TXNDC16: variants seen among roughly 807,000 people sequenced by gnomAD.
TXNDC16 encodes thioredoxin domain containing 16.
TXNDC16 carries 74 observed loss-of-function variants against 85.6 expected under a neutral mutation model. The ratio of observed to expected loss-of-function variants is 0.86; its 90% CI spans 0.72 to 1.05. The LOEUF (loss-of-function observed/expected upper bound fraction) is 1.05. Among genes scored for constraint, TXNDC16 ranks in the 50% least tolerant of loss-of-function variants. TXNDC16 has a pLI of 0.00. For missense variants in TXNDC16, 959 were observed against 947.0 expected (o/e 1.01, Z -0.17); for synonymous variants, 335 against 326.5 (o/e 1.03, Z -0.28).
intron 18 of TXNDC16, among the ~76,000 whole-genome samples, chr14:52,446,655 A>G (rs2035291956): frequency 6.6e-6 from 1 of 152,114 alleles, no homozygotes; most frequent in Non-Finnish European, 1.5e-5. Context: ...TGTAGCTCCA[A>G]AAGAGACCCC....
intron 12 of TXNDC16, among the ~76,000 whole-genome samples, chr14:52,485,539 A>G (rs114305630): frequency 0.013 from 2,034 of 152,312 alleles, 45 homozygotes; most frequent in African/African-American, 0.046. Flanking sequence ...CACCCAGAGC[A>G]ACTTCCGGTC....
At chr14:52,437,649 T>C (rs1365645366) in intron 20 of TXNDC16, among the ~76,000 whole-genome samples, 3 of 151,992 alleles carry the variant, frequency 2.0e-5, no homozygotes, top group Non-Finnish European at 4.4e-5. Flanking sequence ...GAATAAAATA[T>C]TAGCAAACTA....
At chr14:52,520,425 C>T (rs2140194158) in intron 6 of TXNDC16, among the ~76,000 whole-genome samples, 1 of 152,104 alleles carries the variant, frequency 6.6e-6, no homozygotes, top group Middle Eastern at 3.4e-3. Context: ...AGATCAAGAC[C>T]ACGGTGAAAC....
chr14:52,536,398 T>C (rs941626605), intron 6 of TXNDC16, among the ~76,000 whole-genome samples: 6 of 152,194 alleles, frequency 3.9e-5, no homozygotes, highest in African/African-American at 1.4e-4. Context: ...AGCTACCCAG[T>C]CTACTGTATT....
chr14:52,526,342 C>G (rs2037334838), intron 6 of TXNDC16, among the ~76,000 whole-genome samples: 3 of 152,120 alleles, frequency 2.0e-5, no homozygotes. Context: ...TCCTCCACCC[C>G]CAGCTTCCCC....
intron 20 of TXNDC16, 71 bp from the exon 21 acceptor site, chr14:52,432,658 G>A (rs559188065): frequency 1.5e-6 from 2 of 1,305,828 alleles, no homozygotes; most frequent in East Asian, 5.4e-5. Context: ...ATTAGAAAAT[G>A]TTTTATTTTG....
At chr14:52,458,045 T>C (rs1237276167) in intron 16 of TXNDC16, among the ~76,000 whole-genome samples, 1 of 152,186 alleles carries the variant, frequency 6.6e-6, no homozygotes, top group Non-Finnish European at 1.5e-5. Context: ...TAGTACCTAC[T>C]AGGCTAGGCA....
intron 14 of TXNDC16, among the ~76,000 whole-genome samples, chr14:52,473,098 G>T (rs564022366): frequency 1.3e-5 from 2 of 152,208 alleles, no homozygotes; most frequent in African/African-American, 4.8e-5. Context: ...ATGTAAATCA[G>T]ACACCACCTT....
intron 1 of TXNDC16, among the ~76,000 whole-genome samples, chr14:52,544,995 C>T (rs1260897480): frequency 6.6e-6 from 1 of 152,068 alleles, no homozygotes; most frequent in Non-Finnish European, 1.5e-5. Context: ...TAAAATAGGT[C>T]ATCCACTATT....
intron 6 of TXNDC16, among the ~76,000 whole-genome samples, chr14:52,535,652 C>T (rs2037682800): frequency 6.6e-6 from 1 of 152,180 alleles, no homozygotes; most frequent in South Asian, 2.1e-4. Flanking sequence ...GAATATCAGA[C>T]TTAATTCAGG....
At chr14:52,486,275 ATGC>A (rs1156700948) in intron 12 of TXNDC16, among the ~76,000 whole-genome samples, 2 of 141,592 alleles carry the variant, frequency 1.4e-5, no homozygotes, top group Admixed American at 7.3e-5. Flanking sequence ...TCAGTCACAC[ATGC>A]TGCTTTTTTT....
At chr14:52,529,188 G>A (rs2037414169) in intron 6 of TXNDC16, among the ~76,000 whole-genome samples, 1 of 150,886 alleles carries the variant, frequency 6.6e-6, no homozygotes, top group African/African-American at 2.4e-5. Context: ...GGACATGGAT[G>A]AAGCTGGAAA....
chr14:52,450,865 ATAT>A (rs1252495016), intron 18 of TXNDC16, among the ~76,000 whole-genome samples: 1 of 43,248 alleles, frequency 2.3e-5, no homozygotes, highest in African/African-American at 1.2e-4. Flanking sequence ...ATATATATAT[ATAT>A]ATATATATAT....
rs1566557432 is a variant in TXNDC16, at chr14:52,491,014, A to AAC, written c.757-10_757-9insGT. The AAC allele has an allele frequency of 1.6e-5, 3 of 190,716 alleles. No homozygotes were observed. Among genetic ancestry groups the AAC allele is most frequent in the Admixed American group, 9.5e-5 (1 of 10,512 alleles). The allele number at this position is 190,716 out of a possible 1,614,324, so 11.8% of individuals were successfully genotyped here. On this transcript the variant is annotated splice_polypyrimidine_tract_variant and intron_variant, in intron 9 of 20. Coordinates refer to ENST00000281741, the MANE Select transcript of TXNDC16 (RefSeq NM_020784.3). ...TCTTCAGCAACTTCAGTCTTCATTG[A>AAC]AAAAAAAAAAAAAAAAAGGTGTGAT...
intron 15 of TXNDC16, 100 bp from the exon 16 acceptor site, chr14:52,470,273 G>C: frequency 1.0e-6 from 1 of 953,420 alleles, no homozygotes; most frequent in Non-Finnish European, 1.5e-6. Flanking sequence ...TATTACATAG[G>C]ATAATATCTT....
intron 8 of TXNDC16, among the ~76,000 whole-genome samples, chr14:52,514,659 G>A (rs376033912): frequency 2.6e-5 from 4 of 151,972 alleles, no homozygotes; most frequent in Non-Finnish European, 4.4e-5. Flanking sequence ...CACTGCCTTC[G>A]TTACCTTAGT....
intron 6 of TXNDC16, among the ~76,000 whole-genome samples, chr14:52,528,547 A>G (rs1311338213): frequency 6.6e-6 from 1 of 151,880 alleles, no homozygotes; most frequent in East Asian, 1.9e-4. Context: ...GTAAATGTAG[A>G]AGAATTATAT....
intron 6 of TXNDC16, among the ~76,000 whole-genome samples, chr14:52,530,001 T>C (rs1158542254): frequency 6.7e-5 from 7 of 104,696 alleles, no homozygotes; most frequent in Non-Finnish European, 1.2e-4. Flanking sequence ...TTCATATATA[T>C]AATATATATT....
intron 6 of TXNDC16, among the ~76,000 whole-genome samples, chr14:52,529,522 T>C (rs1471231174): frequency 1.0e-5 from 1 of 99,824 alleles, no homozygotes; most frequent in Non-Finnish European, 2.0e-5. Context: ...GCCTATTATA[T>C]ATATTATATA....
Sources: allele counts gnomAD v4.1 joint callset (sites outside exome capture counted in the v4.1 genomes callset), GRCh38; gene constraint gnomAD v4.1.1; transcripts MANE v1.5; gene names NCBI Gene and HGNC (gene_info 2026-07-23, HGNC 2026-07-21).